ZSWIM8: variants seen among roughly 807,000 people sequenced by gnomAD.
ZSWIM8 encodes zinc finger SWIM-type containing 8.
In ZSWIM8, 27 loss-of-function variants were observed where a neutral mutation model predicts 173.7. That is an observed-to-expected ratio of 0.16 (90% CI 0.11 to 0.21). ZSWIM8 has a LOEUF of 0.21. Ranked by LOEUF, ZSWIM8 falls within the 10% of genes least tolerant of loss-of-function variation. The probability of loss-of-function intolerance (pLI) is 1.00; values close to 1 mark genes in which losing one functional copy is unlikely to be tolerated. For synonymous variants in ZSWIM8, 958 were observed against 962.0 expected (o/e 1.00, Z 0.08); for missense variants, 1,627 against 2,428.8 (o/e 0.67, Z 6.94).
At chr10:73,798,852 T>C in intron 20 of ZSWIM8, 150 bp from the exon 21 acceptor site, 1 of 1,120,810 alleles carries the variant, frequency 8.9e-7, no homozygotes, top group Non-Finnish European at 1.2e-6. Flanking sequence ...AAGCACTCAC[T>C]GCTCTGATAA....
chr10:73,796,849 C>A lies in ZSWIM8; in HGVS notation c.3109C>A (p.Arg1037Ser), dbSNP rs765833748. 6.2e-7 allele frequency: 1 copy of A among 1,613,962 alleles called. No homozygotes were observed. Among genetic ancestry groups the A allele is most frequent in the Non-Finnish European group, 8.5e-7 (1 of 1,179,912 alleles). The change falls in exon 16 of 26, where the codon CGC becomes AGC. Residue 1037 changes from arginine to serine, a missense_variant. Arg to Ser is a moderately radical substitution (Grantham distance 110). Transcript: ENST00000604729. Reference sequence around the variant, plus strand: ...GCTGAGTTCTTTCTACTCATCTAGCCGCCCAACCACAGCCAGCCAGAGGTC... The same window carrying A: ...GCTGAGTTCTTTCTACTCATCTAGCAGCCCAACCACAGCCAGCCAGAGGTC... ...QTLSSFYSSSRPTTASQRSPS... is the reference protein window; with the variant it reads ...QTLSSFYSSSSPTTASQRSPS...
intron 21 of ZSWIM8, 162 bp from the exon 22 acceptor site, chr10:73,799,849 G>A: frequency 1.4e-6 from 1 of 705,836 alleles, no homozygotes; most frequent in East Asian, 2.7e-5. Flanking sequence ...GGAGGCAGAG[G>A]TTGCAGTGAG....
In ZSWIM8 at chr10:73,785,608, C is replaced by T; in HGVS notation, c.-271C>T. On this transcript the variant is annotated 5_prime_UTR_variant, in exon 1 of 26. Transcript: ENST00000604729. ...GCTGATGGGGGAGGCGGCTCCGCAG[C>T]CGCCTAGAGGCCCCAGCCGCCGAGC... 1 of 540,946 alleles carries T rather than the reference C, an allele frequency of 1.8e-6. No individual in the cohort carries two copies. Among genetic ancestry groups the T allele is most frequent in the South Asian group, 1.6e-5 (1 of 62,408 alleles). The allele number at this position is 540,946 out of a possible 1,614,324, so 33.5% of individuals were successfully genotyped here.
chr10:73,789,714 C>T lies in ZSWIM8; in HGVS notation c.631-3C>T, dbSNP rs1322695590. ...GTTCCATTTTTCTCTGTGTCCCCTT[C>T]AGGCTTCTGCAGTCTGCCTGCGAGC... On this transcript the variant is annotated splice_polypyrimidine_tract_variant and splice_region_variant and intron_variant, in intron 4 of 25. Transcript: ENST00000604729. The surrounding 1 kb of genome is among the most constrained non-coding windows in gnomAD (Gnocchi z 6.8). The T allele has an allele frequency of 6.3e-7, 1 of 1,595,840 alleles. No individual in the cohort carries two copies. Among genetic ancestry groups the T allele is most frequent in the Admixed American group, 1.7e-5 (1 of 57,450 alleles).
Position 73,800,629 on chromosome 10 carries a change from C to CTATT in ZSWIM8, c.5003-8_5003-7insTTAT, listed in dbSNP as rs747248925. ...CACCGTACCATGTGCCCACCCTTAT[C>CTATT]TATCTCCCAGGAATGCTGGCACTGG... On this transcript the variant is annotated splice_polypyrimidine_tract_variant and intron_variant, in intron 23 of 25. Coordinates refer to ENST00000604729, the MANE Select transcript of ZSWIM8 (RefSeq NM_001367799.1). This position sits in a 1 kb window ranked among gnomAD's most constrained non-coding sequence, Gnocchi z 4.1. 3.1e-6 allele frequency: 5 copies of CTATT among 1,613,212 alleles called. No homozygotes were observed. The highest frequency in any genetic ancestry group is 4.2e-6 in the Non-Finnish European group (5 of 1,179,500).
Position 73,785,780 on chromosome 10 carries a change from G to A in ZSWIM8, c.-99G>A. On this transcript the variant is annotated 5_prime_UTR_variant, in exon 1 of 26. Coordinates refer to ENST00000604729, the MANE Select transcript of ZSWIM8 (RefSeq NM_001367799.1). Reference sequence around the variant, plus strand: ...GAGCGCCCCGGCCACCCCCAGCCCCGGCTCGCCCCTCAGGCCCCGGGCCTC... The same window carrying A: ...GAGCGCCCCGGCCACCCCCAGCCCCAGCTCGCCCCTCAGGCCCCGGGCCTC... 3.0e-6 allele frequency: 4 copies of A among 1,337,130 alleles called. No individual in the cohort carries two copies. The highest frequency in any genetic ancestry group is 4.1e-6 in the Non-Finnish European group (4 of 982,244). The allele number at this position is 1,337,130 out of a possible 1,614,324, so 82.8% of individuals were successfully genotyped here. A position where few individuals can be genotyped will look rare whatever the true frequency, so the allele number is the denominator to read the frequency against.
In ZSWIM8 at chr10:73,797,867, C is replaced by T; in HGVS notation, c.3749C>T (p.Ala1250Val). 3 of 1,613,902 alleles carry T rather than the reference C, an allele frequency of 1.9e-6. No individual in the cohort carries two copies. Among genetic ancestry groups the T allele is most frequent in the Non-Finnish European group, 1.7e-6 (2 of 1,179,878 alleles). The change falls in exon 19 of 26, where the codon GCG becomes GTG. Residue 1250 changes from alanine to valine, a missense_variant. Physicochemically the swap from Ala to Val is moderately conservative, Grantham distance 64. Coordinates refer to ENST00000604729, the MANE Select transcript of ZSWIM8 (RefSeq NM_001367799.1). The surrounding 1 kb of genome is among the most constrained non-coding windows in gnomAD (Gnocchi z 5.6). ...GCTGCACACTTCTACTTCGAGCTGG[C>T]GAAGACAGTGCTGATCAAGGCAGGG... ...EAAAHFYFEL[A>V]KTVLIKAGGN...
Position 73,799,425 on chromosome 10 carries a change from G to T in ZSWIM8, c.4600G>T (p.Ala1534Ser), listed in dbSNP as rs1327749303. The T allele has an allele frequency of 1.2e-6, 2 of 1,608,840 alleles. No individual in the cohort carries two copies. Among genetic ancestry groups the T allele is most frequent in the Non-Finnish European group, 1.7e-6 (2 of 1,177,814 alleles). Residue 1534 changes from alanine to serine, a missense_variant, in exon 21 of 26, where the codon GCC becomes TCC. By Grantham distance (99) the Ala-to-Ser change is moderately conservative. Transcript: ENST00000604729. The stretch of plus-strand genomic sequence containing the variant: ...GTATCTCACTCACCCAGCTCACCCT[G>T]CCCACCCCATGCCTCACATGCCCCG... ...PQYLTHPAHP[A>S]HPMPHMPRPA...
intron 10 of ZSWIM8, 102 bp from the exon 11 acceptor site, chr10:73,793,486 A>AT: frequency 1.5e-6 from 2 of 1,361,992 alleles, no homozygotes; most frequent in Non-Finnish European, 2.0e-6. Flanking sequence ...AGGGCCTGGC[A>AT]TGTAGCAAGT....
rs777258766 is a variant in ZSWIM8 at position 73,791,940 on chromosome 10, G to T, written c.1401G>T (p.Thr467=). Reference sequence around the variant, plus strand: ...TCAAGCGGGGCCAACACAAGAAGACGCTGGAGCGGCTCTTCCCCGGCTTCC... The same window carrying T: ...TCAAGCGGGGCCAACACAAGAAGACTCTGGAGCGGCTCTTCCCCGGCTTCC... ...ENVKRGQHKK[T]LERLFPGFRP... The change falls in exon 10 of 26, where the codon ACG becomes ACT. Residue 467 remains threonine (T), a synonymous_variant. Coordinates refer to ENST00000604729, the MANE Select transcript of ZSWIM8 (RefSeq NM_001367799.1). The surrounding 1 kb of genome is among the most constrained non-coding windows in gnomAD (Gnocchi z 6.0). The T allele has an allele frequency of 1.3e-6, 2 of 1,551,740 alleles. No individual in the cohort carries two copies. Among genetic ancestry groups the T allele is most frequent in the Non-Finnish European group, 1.7e-6 (2 of 1,147,148 alleles).
In ZSWIM8 at chr10:73,792,461, C is replaced by T. The variant is rs759052303; in HGVS notation, c.1922C>T (p.Pro641Leu). 6.2e-7 allele frequency: 1 copy of T among 1,609,372 alleles called. No individual in the cohort carries two copies. The highest frequency in any genetic ancestry group is 1.7e-5 in the Admixed American group (1 of 59,126). ...GAEASTFGGF[P>L]ESPPPCPLHG... is the part of the protein sequence containing the mutation. ...GAGGCCAGCACCTTCGGGGGATTCC[C>T]TGAGAGCCCTCCACCCTGTCCTCTC... The change falls in exon 10 of 26, where the codon CCT becomes CTT. Residue 641 changes from proline (P) to leucine (L), a missense_variant. This residue lies in a region of ZSWIM8 where 383 missense variants were observed against 394.8 expected (regional missense o/e 0.97). Transcript: ENST00000604729. This position sits in a 1 kb window ranked among gnomAD's most constrained non-coding sequence, Gnocchi z 4.3.
In ZSWIM8 at chr10:73,800,608, G is replaced by T. The variant is rs201382273; in HGVS notation, c.5003-32G>T. On this transcript the variant is annotated intron_variant, in intron 23 of 25. Coordinates refer to ENST00000604729, the MANE Select transcript of ZSWIM8 (RefSeq NM_001367799.1). This position sits in a 1 kb window ranked among gnomAD's most constrained non-coding sequence, Gnocchi z 4.1. ...GGGTAAAGGGTGAAGAGGATACACC[G>T]TACCATGTGCCCACCCTTATCTATC... The T allele has an allele frequency of 6.2e-7, 1 of 1,611,090 alleles. No individual in the cohort carries two copies. Among genetic ancestry groups the T allele is most frequent in the Admixed American group, 1.7e-5 (1 of 59,866 alleles).
At chr10:73,795,729 G>C in intron 15 of ZSWIM8, 66 bp downstream of exon 15, 2 of 1,542,034 alleles carry the variant, frequency 1.3e-6, no homozygotes, top group South Asian at 2.3e-5. Context: ...AGGCAGAGGC[G>C]GGCAGATGGC....
chr10:73,791,314 T>C lies in ZSWIM8; in HGVS notation c.1144-10T>C, dbSNP rs1194263981. On this transcript the variant is annotated splice_polypyrimidine_tract_variant and intron_variant, in intron 8 of 25. Transcript: ENST00000604729. This position sits in a 1 kb window ranked among gnomAD's most constrained non-coding sequence, Gnocchi z 6.0. ...TCTCAGGTGCAGCTCACAGCCTTCT[T>C]TGTCTCCAGATAACAGGTTGGTGGT... The C allele has an allele frequency of 6.3e-7, 1 of 1,595,534 alleles. No homozygotes were observed. The highest frequency in any genetic ancestry group is 8.6e-7 in the Non-Finnish European group (1 of 1,165,294).
rs1260783282 is a variant in ZSWIM8, at chr10:73,789,709, C to T, written c.631-8C>T. Reference sequence around the variant, plus strand: ...AGATTGTTCCATTTTTCTCTGTGTCCCCTTCAGGCTTCTGCAGTCTGCCTG... The same window carrying T: ...AGATTGTTCCATTTTTCTCTGTGTCTCCTTCAGGCTTCTGCAGTCTGCCTG... On this transcript the variant is annotated splice_polypyrimidine_tract_variant and splice_region_variant and intron_variant, in intron 4 of 25. Coordinates refer to ENST00000604729, the MANE Select transcript of ZSWIM8 (RefSeq NM_001367799.1). This position sits in a 1 kb window ranked among gnomAD's most constrained non-coding sequence, Gnocchi z 6.8. 6 of 1,591,640 alleles carry T rather than the reference C, an allele frequency of 3.8e-6. No individual in the cohort carries two copies. The highest frequency in any genetic ancestry group is 5.1e-6 in the Non-Finnish European group (6 of 1,169,192).
Position 73,792,468 on chromosome 10 carries a change from C to T in ZSWIM8, c.1929C>T (p.Ser643=), listed in dbSNP as rs2083451497. ...EASTFGGFPE[S]PPPCPLHGGS... is the part of the protein sequence containing the mutation. ...GCACCTTCGGGGGATTCCCTGAGAG[C>T]CCTCCACCCTGTCCTCTCCACGGTG... is the stretch of plus-strand genomic sequence containing the variant. The change falls in exon 10 of 26, where the codon AGC becomes AGT. Residue 643 remains serine, a synonymous_variant. Transcript: ENST00000604729. The surrounding 1 kb of genome is among the most constrained non-coding windows in gnomAD (Gnocchi z 4.3). The T allele has an allele frequency of 6.2e-7, 1 of 1,610,402 alleles. No individual in the cohort carries two copies. Among genetic ancestry groups the T allele is most frequent in the African/African-American group, 1.3e-5 (1 of 74,980 alleles).
chr10:73,786,317 T>TGTGTGTGTGG (rs1187444535), intron 1 of ZSWIM8: 3 of 504,494 alleles, frequency 5.9e-6, no homozygotes, highest in East Asian at 3.4e-5. Flanking sequence ...TCCACACCTG[T>TGTGTGTGTGG]GTGTGTGTGG....
rs769701890 is a variant in ZSWIM8, at chr10:73,798,399, C to T, written c.4122C>T (p.Ala1374=). The change falls in exon 20 of 26, where the codon GCC becomes GCT. Residue 1374 remains alanine (A), a synonymous_variant. Transcript: ENST00000604729. ...AELALSCLPH[A]HALNPNEIQR... ...TGGCCCTGAGCTGCCTGCCTCACGC[C>T]CATGCATTGAACCCTAATGAGATCC... 4 of 1,614,022 alleles carry T rather than the reference C, an allele frequency of 2.5e-6. No individual in the cohort carries two copies. Among genetic ancestry groups the T allele is most frequent in the Non-Finnish European group, 3.4e-6 (4 of 1,179,894 alleles).
chr10:73,798,932 G>A, intron 20 of ZSWIM8, 70 bp from the exon 21 acceptor site: 2 of 1,529,874 alleles, frequency 1.3e-6, no homozygotes, highest in Non-Finnish European at 1.8e-6. Flanking sequence ...GGAGACATTG[G>A]AATCTCATCT....
Sources: allele counts gnomAD v4.1 joint callset, GRCh38; gene constraint gnomAD v4.1.1; regional missense constraint gnomAD v4.1.1; non-coding constraint Gnocchi (gnomAD v3.1); transcripts MANE v1.5; gene names NCBI Gene and HGNC (gene_info 2026-07-23, HGNC 2026-07-21).